The following NELL2 variants were observed in gnomAD, a reference collection of about 807,000 sequenced individuals.
The protein encoded by NELL2 is neural EGFL like 2, also known as protein kinase C-binding protein NELL2.
Under a neutral mutation model 109.6 loss-of-function variants are expected in NELL2, and 41 were observed. That is an observed-to-expected ratio of 0.37 (90% confidence interval 0.29 to 0.49). NELL2 has a LOEUF of 0.49. NELL2 is among the 20% of genes least tolerant of loss of function. The probability of loss-of-function intolerance (pLI) is 0.98; values close to 1 mark genes in which losing one functional copy is unlikely to be tolerated. For missense variants in NELL2, 900 were observed against 1,008.3 expected (o/e 0.89, Z 1.45); for synonymous variants, 355 against 344.7 (o/e 1.03, Z -0.33).
intron 1 of NELL2, among the ~76,000 whole-genome samples, chr12:44,885,217 T>C (rs886910975): frequency 6.6e-6 from 1 of 151,728 alleles, no homozygotes; most frequent in African/African-American, 2.4e-5. Flanking sequence ...AGACAGAGGT[T>C]GCAATAAGCC....
At chr12:44,559,911 T>G (rs1943404844) in intron 15 of NELL2, among the ~76,000 whole-genome samples, 1 of 152,142 alleles carries the variant, frequency 6.6e-6, no homozygotes, top group Non-Finnish European at 1.5e-5. Context: ...ATTCTAAAAT[T>G]GACCACATAA....
intron 15 of NELL2, among the ~76,000 whole-genome samples, chr12:44,535,071 G>A (rs144587436): frequency 4.7e-4 from 71 of 151,946 alleles, no homozygotes; most frequent in African/African-American, 1.7e-3. Context: ...ACTCCATAAA[G>A]TTTAATAGAA....
chr12:44,703,839 G>T lies in NELL2; in HGVS notation c.1205C>A (p.Ser402Tyr). 1.2e-6 allele frequency: 2 copies of T among 1,611,370 alleles called. No individual in the cohort carries two copies. The highest frequency in any genetic ancestry group is 1.7e-6 in the Non-Finnish European group (2 of 1,178,930). ...CKVCKGYDFCSERHNCMENSI... is the reference protein window; with the variant it reads ...CKVCKGYDFCYERHNCMENSI... ...ATTCTCCATGCAGTTATGCCTTTCA[G>T]AACAAAAGTCATAACCTACAGAAAA... Residue 402 changes from serine to tyrosine, a missense_variant, in exon 12 of 20, where the codon TCT (serine) becomes TAT (tyrosine). Ser to Tyr is a moderately radical substitution (Grantham distance 144, BLOSUM62 -2). This residue lies in a region of NELL2 where 292 missense variants were observed against 265.3 expected (regional missense o/e 1.10). Transcript: ENST00000429094.
chr12:44,775,238 T>TGTGCGTGCTCACGCACGCACACACACAG (rs1941709224), intron 8 of NELL2, among the ~76,000 whole-genome samples: 1 of 148,808 alleles, frequency 6.7e-6, no homozygotes, highest in African/African-American at 2.6e-5. Context: ...CACACACACA[T>TGTGCGTGCTCACGCACGCACACACACAG]GCATGTGCGT....
At chr12:44,711,454 T>TTCTG in intron 10 of NELL2, 60 bp from the exon 11 acceptor site, 1 of 1,422,012 alleles carries the variant, frequency 7.0e-7, no homozygotes, top group Non-Finnish European at 9.9e-7. Flanking sequence ...TTAAGAAGTT[T>TTCTG]CCAGATCCAG....
chr12:44,718,312 G>A (rs574702505), intron 9 of NELL2, among the ~76,000 whole-genome samples: 9 of 152,278 alleles, frequency 5.9e-5, no homozygotes, highest in African/African-American at 7.2e-5. Context: ...CTACAGGACC[G>A]TCCCTGGAAT....
intron 15 of NELL2, among the ~76,000 whole-genome samples, chr12:44,540,971 C>T (rs4768061): frequency 0.07 from 10,616 of 151,622 alleles, 539 homozygotes; most frequent in Non-Finnish European, 0.11. Flanking sequence ...ATTGGCCGGG[C>T]GCGGTGGCTC....
intron 19 of NELL2, among the ~76,000 whole-genome samples, chr12:44,510,176 GTGA>G (rs1426094748): frequency 6.6e-6 from 1 of 152,084 alleles, no homozygotes; most frequent in Non-Finnish European, 1.5e-5. Context: ...TTTTAAAACC[GTGA>G]TGATGATAAT....
At chr12:44,679,268 T>A (rs1265841503) in intron 12 of NELL2, among the ~76,000 whole-genome samples, 1 of 152,138 alleles carries the variant, frequency 6.6e-6, no homozygotes, top group Non-Finnish European at 1.5e-5. Flanking sequence ...AGTTACTGTC[T>A]GTTTCTGTTT....
At chr12:44,827,234 T>C (rs1943740633) in intron 2 of NELL2, among the ~76,000 whole-genome samples, 2 of 152,264 alleles carry the variant, frequency 1.3e-5, no homozygotes, top group Admixed American at 6.5e-5. Context: ...TGCGATGATA[T>C]TGAGGTAATC....
intron 16 of NELL2, among the ~76,000 whole-genome samples, chr12:44,530,701 T>C (rs1942010675): frequency 6.6e-6 from 1 of 152,008 alleles, no homozygotes; most frequent in Non-Finnish European, 1.5e-5. Context: ...CCTTGAGGAG[T>C]GGCCCATGTA....
chr12:44,603,436 A>T (rs1249878118), intron 15 of NELL2, among the ~76,000 whole-genome samples: 2 of 152,198 alleles, frequency 1.3e-5, no homozygotes, highest in East Asian at 3.8e-4. Flanking sequence ...TATTAATTAG[A>T]TCATCAGACA....
intron 15 of NELL2, among the ~76,000 whole-genome samples, chr12:44,582,776 A>C (rs996694535): frequency 6.6e-6 from 1 of 152,164 alleles, no homozygotes; most frequent in African/African-American, 2.4e-5. Context: ...CTCAAAGTTC[A>C]TATGTTGGAA....
intron 9 of NELL2, among the ~76,000 whole-genome samples, chr12:44,773,252 G>C (rs561338933): frequency 6.6e-6 from 1 of 152,286 alleles, no homozygotes; most frequent in Non-Finnish European, 1.5e-5. Context: ...GAGGCGGGCG[G>C]ATCACGAGGT....
intron 13 of NELL2, among the ~76,000 whole-genome samples, chr12:44,664,162 T>C (rs1947843942): frequency 6.6e-6 from 1 of 152,120 alleles, no homozygotes. Flanking sequence ...ATTCTTTTTA[T>C]GCTGAAAAGC....
chr12:44,680,685 C>A (rs191166617), intron 12 of NELL2, among the ~76,000 whole-genome samples: 23 of 152,220 alleles, frequency 1.5e-4, no homozygotes, highest in African/African-American at 4.8e-4. Flanking sequence ...ACACATGGGG[C>A]TCTGTTTTCT....
At chr12:44,740,454 A>AT (rs1378741496) in intron 9 of NELL2, among the ~76,000 whole-genome samples, 21 of 152,032 alleles carry the variant, frequency 1.4e-4, no homozygotes, top group African/African-American at 4.8e-4. Flanking sequence ...GAAATGACAA[A>AT]TTTTCTCTTT....
intron 9 of NELL2, among the ~76,000 whole-genome samples, chr12:44,743,318 G>T (rs1940115391): frequency 1.3e-5 from 2 of 152,130 alleles, no homozygotes; most frequent in Admixed American, 6.6e-5. Context: ...ACATGGAAAG[G>T]AACAACCGGT....
At chr12:44,912,339 G>C (rs1240821331) in intron 1 of NELL2, among the ~76,000 whole-genome samples, 4 of 152,148 alleles carry the variant, frequency 2.6e-5, no homozygotes, top group Non-Finnish European at 5.9e-5. Context: ...GATGTTGAAA[G>C]ATTATCACAA....
Sources: gnomAD v4.1 joint callset for allele counts (sites outside exome capture counted in the v4.1 genomes callset) on GRCh38, gnomAD v4.1.1 for gene constraint, gnomAD v4.1.1 regional missense constraint, MANE v1.5 for transcripts, NCBI Gene and HGNC (gene_info 2026-07-23, HGNC 2026-07-21) for gene names.